VPS13D: variants seen among roughly 807,000 people sequenced by gnomAD.
VPS13D encodes intermembrane lipid transfer protein VPS13D.
In VPS13D, 187 loss-of-function variants were observed where a neutral mutation model predicts 461.9. The ratio of observed to expected loss-of-function variants is 0.40; its 90% CI spans 0.36 to 0.46. The LOEUF (loss-of-function observed/expected upper bound fraction) is 0.46. VPS13D is among the 20% of genes least tolerant of loss of function. The probability of loss-of-function intolerance (pLI) is 0.60; values close to 1 mark genes in which losing one functional copy is unlikely to be tolerated. For synonymous variants in VPS13D, 1,951 were observed against 1,986.3 expected, an observed-to-expected ratio of 0.98 and a Z score of 0.47; for missense variants, 4,711 against 5,364.9, an observed-to-expected ratio of 0.88 and a Z score of 3.81.
chr1:12,293,899 T>A (rs1310064659), intron 24 of VPS13D, among the ~76,000 whole-genome samples, 195 bp downstream of exon 24: 1 of 152,234 alleles, frequency 6.6e-6, no homozygotes, highest in Non-Finnish European at 1.5e-5. Context: ...TTAAATTACC[T>A]TCAAACTTTA....
In VPS13D at chr1:12,261,159, G is replaced by A. The variant is rs762518007; in HGVS notation, c.1414+10G>A. 38 of 1,613,634 alleles carry A rather than the reference G, an allele frequency of 2.4e-5. No homozygotes were observed. The highest frequency in any genetic ancestry group is 3.1e-5 in the Non-Finnish European group (37 of 1,179,712). On this transcript the variant is annotated intron_variant, in intron 12 of 69. Coordinates refer to ENST00000620676, the MANE Select transcript of VPS13D (RefSeq NM_015378.4). Reference sequence around the variant, plus strand: ...CCTGAAGAGATCCTGGGTACGGTGGGAGCTGGCCTTCACTTGATTCAAACA... The same window carrying A: ...CCTGAAGAGATCCTGGGTACGGTGGAAGCTGGCCTTCACTTGATTCAAACA...
At chr1:12,252,772 CAAA>C (rs1194843615) in intron 6 of VPS13D, among the ~76,000 whole-genome samples, 1 of 68,238 alleles carries the variant, frequency 1.5e-5, no homozygotes. Context: ...ATTCTGTCTC[CAAA>C]AAAAAAAAAA....
chr1:12,306,219 C>T (rs1191455589), intron 26 of VPS13D, among the ~76,000 whole-genome samples: 1 of 152,158 alleles, frequency 6.6e-6, no homozygotes, highest in Non-Finnish European at 1.5e-5. Flanking sequence ...CTCCTGACCT[C>T]GTGATCCGCC....
At chr1:12,302,297 G>C (rs2101466246) in intron 25 of VPS13D, among the ~76,000 whole-genome samples, 1 of 152,220 alleles carries the variant, frequency 6.6e-6, no homozygotes, top group Non-Finnish European at 1.5e-5. Flanking sequence ...AAAATTTTTA[G>C]GAGGAAATCA....
intron 52 of VPS13D, among the ~76,000 whole-genome samples, chr1:12,365,703 CAA>C (rs796549722): frequency 2.2e-4 from 20 of 92,082 alleles, no homozygotes; most frequent in South Asian, 3.4e-4. Context: ...GACTCTGTCT[CAA>C]AAAAAAAAAA....
intron 57 of VPS13D, among the ~76,000 whole-genome samples, chr1:12,379,861 C>T (rs1334679054): frequency 2.0e-5 from 3 of 151,776 alleles, no homozygotes; most frequent in African/African-American, 4.8e-5. Context: ...CTCCGCCTCC[C>T]GGGTTCACGC....
At chr1:12,394,008 T>C (rs1462877630) in intron 60 of VPS13D, among the ~76,000 whole-genome samples, 3 of 152,236 alleles carry the variant, frequency 2.0e-5, no homozygotes, top group Admixed American at 6.5e-5. Flanking sequence ...GCCAGTGTCC[T>C]GTATCCGCGA....
Position 12,261,933 on chromosome 1 carries a change from G to T in VPS13D, c.1447G>T (p.Ala483Ser), listed in dbSNP as rs1281253186. 1.2e-6 allele frequency: 2 copies of T among 1,613,176 alleles called. No individual in the cohort carries two copies. Among genetic ancestry groups the T allele is most frequent in the African/African-American group, 2.7e-5 (2 of 74,912 alleles). Residue 483 changes from alanine to serine, a missense_variant, in exon 13 of 70, where the codon GCC (alanine) becomes TCC (serine). Transcript: ENST00000620676. ...GGAGTTTTTTGACCCCACTGCAGAT[G>T]CCTCGTGTATGAACACGTATACAAA... The part of the protein sequence containing the change: ...TEEFFDPTAD[A>S]SCMNTYTKRD...
At chr1:12,485,667 G>A (rs988618703) in intron 67 of VPS13D, among the ~76,000 whole-genome samples, 1 of 152,162 alleles carries the variant, frequency 6.6e-6, no homozygotes, top group African/African-American at 2.4e-5. Flanking sequence ...AGGTTGTTGG[G>A]GGGGTGGGCC....
chr1:12,287,943 T>A lies in VPS13D; in HGVS notation c.5635-280T>A, dbSNP rs74053859. Among the ~76,000 whole-genome samples the A allele has an allele frequency of 1.8e-3, 277 of 152,210 alleles. 1 individual carries two copies. The highest frequency in any genetic ancestry group is 6.1e-3 in the African/African-American group (255 of 41,534). ...ATGATGAATGCCAAAATGAGAAAAA[T>A]TATTTTTATAATGTAAAGCATCTCA... On this transcript the variant is annotated intron_variant, in intron 21 of 69. Transcript: ENST00000620676.
intron 46 of VPS13D, among the ~76,000 whole-genome samples, chr1:12,353,190 A>G (rs142825980): frequency 6.6e-6 from 1 of 152,154 alleles, no homozygotes; most frequent in East Asian, 1.9e-4. Context: ...ATTATCAAAG[A>G]GGATGTATAG....
At chr1:12,487,838 G>C (rs1645820026) in intron 67 of VPS13D, among the ~76,000 whole-genome samples, 1 of 152,198 alleles carries the variant, frequency 6.6e-6, no homozygotes, top group Non-Finnish European at 1.5e-5. Flanking sequence ...TTCATTTGCA[G>C]AAAGTGTTTT....
intron 37 of VPS13D, 73 bp from the exon 38 acceptor site, chr1:12,333,153 A>G (rs1643372130): frequency 1.3e-6 from 2 of 1,527,890 alleles, no homozygotes; most frequent in Middle Eastern, 1.9e-4. Context: ...CTTGCTGAAC[A>G]TTTGCGAGCA....
rs755595949 is a variant in VPS13D, at chr1:12,504,636, C to T, written c.12795-2217C>T. Among the ~76,000 whole-genome samples, 61 of 152,314 alleles carry T rather than the reference C, an allele frequency of 4.0e-4. 1 individual carries two copies. Among genetic ancestry groups the T allele is most frequent in the South Asian group, 1.0e-3 (5 of 4,828 alleles). ...AACGGACTCGGCCAGAGTCAGCCAG[C>T]GGGCCGGGCTTTCCTGCCAGCTCGG... On this transcript the variant is annotated intron_variant, in intron 68 of 69. Coordinates refer to ENST00000620676, the MANE Select transcript of VPS13D (RefSeq NM_015378.4).
At chr1:12,438,594 G>A (rs1029499740) in intron 65 of VPS13D, among the ~76,000 whole-genome samples, 8 of 152,110 alleles carry the variant, frequency 5.3e-5, no homozygotes, top group Admixed American at 5.2e-4. Flanking sequence ...CCTGTTCAGT[G>A]GGGAAACACA....
At chr1:12,268,270 T>A (rs537656801) in intron 15 of VPS13D, among the ~76,000 whole-genome samples, 103 of 150,100 alleles carry the variant, frequency 6.9e-4, no homozygotes, top group Non-Finnish European at 6.4e-4. Context: ...TTTTTTTTTT[T>A]AATAATTTAA....
At chr1:12,350,191 C>T (rs1046280702) in intron 46 of VPS13D, among the ~76,000 whole-genome samples, 6 of 152,036 alleles carry the variant, frequency 3.9e-5, no homozygotes, top group African/African-American at 1.2e-4. Context: ...TATCAATGAG[C>T]TTGTTATAAT....
At chr1:12,313,710 C>G (rs1429327524) in intron 29 of VPS13D, among the ~76,000 whole-genome samples, 1 of 152,086 alleles carries the variant, frequency 6.6e-6, no homozygotes, top group Non-Finnish European at 1.5e-5. Context: ...TTGGACAGAC[C>G]CTGGAGAGTG....
intron 18 of VPS13D, among the ~76,000 whole-genome samples, chr1:12,274,183 G>A (rs899470927): frequency 1.3e-5 from 2 of 152,152 alleles, no homozygotes; most frequent in Non-Finnish European, 2.9e-5. Context: ...TGGAATTACA[G>A]GTGCCCACCA....
Sources: gnomAD v4.1 joint callset for allele counts (sites outside exome capture counted in the v4.1 genomes callset) on GRCh38, gnomAD v4.1.1 for gene constraint, MANE v1.5 for transcripts, NCBI Gene and HGNC (gene_info 2026-07-23, HGNC 2026-07-21) for gene names.